RHEB: variants seen among roughly 807,000 people sequenced by gnomAD.
RHEB encodes the protein GTP-binding protein Rheb.
Under a neutral mutation model 28.8 loss-of-function variants are expected in RHEB, and 2 were observed. That is an observed-to-expected ratio of 0.07 (90% confidence interval 0.03 to 0.22). The LOEUF is 0.22. Among genes scored for constraint, RHEB ranks in the 10% least tolerant of loss-of-function variants. RHEB has a pLI of 1.00. For missense variants in RHEB, 76 were observed against 219.9 expected, an observed-to-expected ratio of 0.35 and a Z score of 4.14; for synonymous variants, 69 against 77.3, an observed-to-expected ratio of 0.89 and a Z score of 0.56.
intron 2 of RHEB, among the ~76,000 whole-genome samples, chr7:151,488,014 C>A (rs2150927954): frequency 6.6e-6 from 1 of 152,326 alleles, no homozygotes; most frequent in East Asian, 1.9e-4. Flanking sequence ...AATGCTGCAA[C>A]ACCTAAGTGC....
intron 2 of RHEB, among the ~76,000 whole-genome samples, chr7:151,488,791 T>C (rs1044588577): frequency 1.3e-5 from 2 of 152,218 alleles, no homozygotes; most frequent in Non-Finnish European, 2.9e-5. Context: ...CCAAAGATGA[T>C]GTTGATAGCC....
intron 4 of RHEB, among the ~76,000 whole-genome samples, chr7:151,474,880 C>G (rs1010386876): frequency 5.9e-5 from 9 of 152,158 alleles, no homozygotes; most frequent in African/African-American, 1.9e-4. Flanking sequence ...TGACATATTT[C>G]TTGTATATTC....
At chr7:151,485,539 T>C (rs190843116) in intron 2 of RHEB, among the ~76,000 whole-genome samples, 11 of 152,320 alleles carry the variant, frequency 7.2e-5, no homozygotes, top group Admixed American at 7.2e-4. Context: ...AACAGATTTA[T>C]CTTGCATACC....
intron 4 of RHEB, among the ~76,000 whole-genome samples, chr7:151,473,865 T>G (rs183007519): frequency 6.6e-6 from 1 of 152,336 alleles, no homozygotes; most frequent in East Asian, 1.9e-4. Flanking sequence ...TGTGAGTTGA[T>G]CTACTAAAAA....
chr7:151,518,241 A>G (rs1328869362), intron 1 of RHEB, among the ~76,000 whole-genome samples: 1 of 152,118 alleles, frequency 6.6e-6, no homozygotes, highest in Non-Finnish European at 1.5e-5. Context: ...AGAGGTGGTA[A>G]AAGGATGAGT....
intron 1 of RHEB, chr7:151,501,802 C>T (rs1309592695): frequency 8.5e-6 from 3 of 354,660 alleles, no homozygotes; most frequent in South Asian, 5.3e-5. Context: ...CATGCAGTTG[C>T]CTGGTCAGAA....
At chr7:151,496,362 C>A (rs1027297866) in intron 1 of RHEB, among the ~76,000 whole-genome samples, 1 of 152,216 alleles carries the variant, frequency 6.6e-6, no homozygotes, top group Non-Finnish European at 1.5e-5. Flanking sequence ...GTCTCCCTTT[C>A]TGATTCTCAT....
chr7:151,486,484 T>C (rs1024250033), intron 2 of RHEB, among the ~76,000 whole-genome samples: 2 of 152,190 alleles, frequency 1.3e-5, no homozygotes, highest in Non-Finnish European at 2.9e-5. Context: ...GTATCTTCCC[T>C]GGGAGTGGAA....
chr7:151,479,885 A>G (rs1445621693), intron 3 of RHEB, among the ~76,000 whole-genome samples: 1 of 152,012 alleles, frequency 6.6e-6, no homozygotes, highest in East Asian at 1.9e-4. Context: ...CACCCAATAG[A>G]AAAAAAATGG....
chr7:151,472,792 GT>G lies in RHEB; in HGVS notation c.276-1188del, dbSNP rs1024998938. Reference sequence around the variant, plus strand: ...TAGCTTGTTGAATGAATTACACACTGTGCTATTTTAAACGATGTGTGCTGTC... The same window carrying G: ...TAGCTTGTTGAATGAATTACACACTGGCTATTTTAAACGATGTGTGCTGTC... On this transcript the variant is annotated intron_variant, in intron 4 of 7. Coordinates refer to ENST00000262187, the MANE Select transcript of RHEB (RefSeq NM_005614.4). The surrounding 1 kb of genome is among the most constrained non-coding windows in gnomAD (Gnocchi z 5.2). Among the ~76,000 whole-genome samples, 50 of 152,260 alleles carry G rather than the reference GT, an allele frequency of 3.3e-4. No individual in the cohort carries two copies. The highest frequency in any genetic ancestry group is 1.2e-3 in the African/African-American group (49 of 41,552).
intron 1 of RHEB, among the ~76,000 whole-genome samples, chr7:151,511,543 G>C (rs1257748974): frequency 1.3e-5 from 2 of 149,806 alleles, no homozygotes; most frequent in Non-Finnish European, 3.0e-5. Flanking sequence ...TACCAGTTTA[G>C]ATTTAAAGCT....
Position 151,466,412 on chromosome 7 carries a change from G to C in RHEB, c.*707C>G, listed in dbSNP as rs897966189. On this transcript the variant is annotated 3_prime_UTR_variant, in exon 8 of 8. Coordinates refer to ENST00000262187, the MANE Select transcript of RHEB (RefSeq NM_005614.4). ...CCTTGACCAGGCTCCCGACCACGGA[G>C]CATTTCAGTCAAGGTCTAGGGATTT... 12 of 152,380 alleles carry C rather than the reference G, an allele frequency of 7.9e-5. No individual in the cohort carries two copies. Among genetic ancestry groups the C allele is most frequent in the African/African-American group, 2.9e-4 (12 of 41,476 alleles). 9.4% of individuals were successfully genotyped at this position (152,380 alleles called of 1,614,324 possible). A position where few individuals can be genotyped will look rare whatever the true frequency, so the allele number is the denominator to read the frequency against.
chr7:151,498,426 G>C (rs561800254), intron 1 of RHEB, among the ~76,000 whole-genome samples: 8 of 152,024 alleles, frequency 5.3e-5, no homozygotes, highest in South Asian at 4.2e-4. Context: ...AGACCAGCCC[G>C]GGCAACACAG....
chr7:151,482,515 G>C (rs941220704), intron 3 of RHEB, among the ~76,000 whole-genome samples: 6 of 152,310 alleles, frequency 3.9e-5, no homozygotes, highest in Admixed American at 6.5e-5. Flanking sequence ...CTGGTTCCCT[G>C]AATTGCCTGA....
At chr7:151,497,856 A>G (rs1410195928) in intron 1 of RHEB, among the ~76,000 whole-genome samples, 2 of 152,218 alleles carry the variant, frequency 1.3e-5, no homozygotes, top group East Asian at 3.8e-4. Context: ...AATTAGTTAT[A>G]AACACATTTT....
At position 151,488,083 on chromosome 7, in the gene RHEB, G is replaced by A. The variant is rs1299503208; in HGVS notation, c.124+2860C>T. ...TCACTAACAGTGCTACCTTGAGATG[G>A]CAGAAGTCGGAAATTGCTGCTATGC... On this transcript the variant is annotated intron_variant, in intron 2 of 7. Transcript: ENST00000262187. 2.6e-5 allele frequency among the ~76,000 whole-genome samples: 4 copies of A among 152,324 alleles called. No individual in the cohort carries two copies. The East Asian group carries it at 5.8e-4, about 22-fold the overall frequency.
chr7:151,519,441 G>C lies in RHEB; in HGVS notation c.52+19C>G, dbSNP rs776082960. 7.1e-7 allele frequency: 1 copy of C among 1,414,470 alleles called. No individual in the cohort carries two copies. The allele number at this position is 1,414,470 out of a possible 1,614,324, so 87.6% of individuals were successfully genotyped here. On this transcript the variant is annotated intron_variant, in intron 1 of 7. Coordinates refer to ENST00000262187, the MANE Select transcript of RHEB (RefSeq NM_005614.4). ...GGCCCCGGCGGCGCGAGGAGGCCGC[G>C]CGGCCACCGGCCACTCACCCACAGA...
chr7:151,497,426 C>A (rs930817342), intron 1 of RHEB, among the ~76,000 whole-genome samples: 14 of 152,208 alleles, frequency 9.2e-5, no homozygotes, highest in African/African-American at 2.9e-4. Flanking sequence ...TTAGGAACCA[C>A]TGCCCTCAGG....
Position 151,498,124 on chromosome 7 carries a change from G to A in RHEB, c.53-7110C>T, listed in dbSNP as rs375099429. On this transcript the variant is annotated intron_variant, in intron 1 of 7. Transcript: ENST00000262187. The stretch of plus-strand genomic sequence containing the variant: ...TGTGCCCATGGGGATGCACCTGTGC[G>A]CCCTGCAGAACTATAACACCACTCA... 282 of 1,289,616 alleles carry A rather than the reference G, an allele frequency of 2.2e-4. 1 individual carries two copies. In the African/African-American group the frequency reaches 3.7e-3, roughly 17 times the overall value. The allele number at this position is 1,289,616 out of a possible 1,614,324, so 79.9% of individuals were successfully genotyped here. A position where few individuals can be genotyped will look rare whatever the true frequency, so the allele number is the denominator to read the frequency against.
Sources: gnomAD v4.1 joint callset for allele counts (sites outside exome capture counted in the v4.1 genomes callset) on GRCh38, gnomAD v4.1.1 for gene constraint, Gnocchi (gnomAD v3.1) non-coding constraint, MANE v1.5 for transcripts, NCBI Gene and HGNC (gene_info 2026-07-23, HGNC 2026-07-21) for gene names.